Variants in SEMA6A observed in about 807,000 individuals in gnomAD.
SEMA6A encodes the protein semaphorin 6A, also known as semaphorin-6A.
In SEMA6A, 25 loss-of-function variants were observed where a neutral mutation model predicts 96.8. The ratio of observed to expected loss-of-function variants is 0.26; its 90% CI spans 0.19 to 0.36. The LOEUF is 0.36. Ranked by LOEUF, SEMA6A falls within the 10% of genes least tolerant of loss-of-function variation. The pLI is 1.00. For synonymous variants in SEMA6A, 612 were observed against 518.0 expected, an observed-to-expected ratio of 1.18 and a Z score of -2.46; for missense variants, 1,363 against 1,323.1, an observed-to-expected ratio of 1.03 and a Z score of -0.47.
chr5:116,510,588 C>T (rs1361669056), intron 1 of SEMA6A, among the ~76,000 whole-genome samples: 1 of 152,082 alleles, frequency 6.6e-6, no homozygotes, highest in Admixed American at 6.6e-5. Flanking sequence ...TCAGCTGAGA[C>T]ACTAAAAATT....
At chr5:116,536,087 A>G (rs1278473878) in intron 1 of SEMA6A, among the ~76,000 whole-genome samples, 1 of 152,190 alleles carries the variant, frequency 6.6e-6, no homozygotes, top group Non-Finnish European at 1.5e-5. Flanking sequence ...TGCATAGGAA[A>G]GTTCTTAGAA....
intron 1 of SEMA6A, among the ~76,000 whole-genome samples, chr5:116,571,372 A>C (rs906165990): frequency 6.6e-6 from 1 of 152,212 alleles, no homozygotes; most frequent in African/African-American, 2.4e-5. Context: ...CACATCTCTA[A>C]AAGGTGATAG....
intron 1 of SEMA6A, among the ~76,000 whole-genome samples, chr5:116,556,890 G>A (rs1304819999): frequency 6.6e-6 from 1 of 152,196 alleles, no homozygotes; most frequent in African/African-American, 2.4e-5. Context: ...ATAATCCACT[G>A]AGAATGCCAT....
intron 17 of SEMA6A, 128 bp from the exon 18 acceptor site, chr5:116,467,875 A>C: frequency 1.7e-5 from 13 of 750,786 alleles, no homozygotes; most frequent in Non-Finnish European, 2.7e-5. Flanking sequence ...TAGAAATGAC[A>C]CGGCTTAGTG....
At chr5:116,510,603 T>C in intron 1 of SEMA6A, among the ~76,000 whole-genome samples, 1 of 152,156 alleles carries the variant, frequency 6.6e-6, no homozygotes, top group East Asian at 1.9e-4. Flanking sequence ...AAAATTACTT[T>C]TTAATAGCTT....
intron 18 of SEMA6A, among the ~76,000 whole-genome samples, chr5:116,458,122 G>C (rs547165783): frequency 6.6e-6 from 1 of 152,192 alleles, no homozygotes; most frequent in Non-Finnish European, 1.5e-5. Context: ...GGTGAAACTA[G>C]GCTATCAGAA....
chr5:116,488,914 AC>A lies in SEMA6A; in HGVS notation c.628del (p.Val210SerfsTer8). 1 of 1,584,848 alleles carries A rather than the reference AC, an allele frequency of 6.3e-7. No homozygotes were observed. The highest frequency in any genetic ancestry group is 8.6e-7 in the Non-Finnish European group (1 of 1,164,296). ...SLGESPTLRT[V>X]KHDSKWLKEP... ...TTTCAACCATTTTGAATCGTGCTTG[AC>A]GGTCCGCAGGGTAGGGCTTTCTCCA... is the stretch of plus-strand genomic sequence containing the variant. On this transcript the variant is annotated frameshift_variant, in exon 8 of 19. Coordinates refer to ENST00000343348, the MANE Select transcript of SEMA6A (RefSeq NM_020796.5). LOFTEE classifies it high-confidence loss of function.
At chr5:116,542,515 T>C (rs1760014446) in intron 1 of SEMA6A, among the ~76,000 whole-genome samples, 1 of 152,200 alleles carries the variant, frequency 6.6e-6, no homozygotes. Context: ...TTCCCTGTCA[T>C]TTACTTTAGA....
intron 1 of SEMA6A, chr5:116,507,963 A>C (rs796881559): frequency 7.9e-5 from 12 of 152,316 alleles, no homozygotes; most frequent in African/African-American, 2.2e-4. Context: ...TGAATTTGTC[A>C]GGTCTATTTA....
intron 1 of SEMA6A, among the ~76,000 whole-genome samples, chr5:116,530,218 C>CA (rs1759404520): frequency 6.6e-6 from 1 of 152,050 alleles, no homozygotes; most frequent in Non-Finnish European, 1.5e-5. Context: ...GTTTACATTA[C>CA]TTTCATGCCA....
intron 1 of SEMA6A, among the ~76,000 whole-genome samples, chr5:116,559,316 C>A (rs775539762): frequency 1.3e-5 from 2 of 152,180 alleles, no homozygotes; most frequent in African/African-American, 4.8e-5. Context: ...AGGCCCAGTC[C>A]GCAAGGCCTG....
intron 18 of SEMA6A, among the ~76,000 whole-genome samples, chr5:116,459,382 C>T (rs1256491608): frequency 6.6e-6 from 1 of 152,006 alleles, no homozygotes; most frequent in Non-Finnish European, 1.5e-5. Context: ...TTGTCTTTCC[C>T]CACTTCTACC....
rs1279552392 is a variant in SEMA6A at position 116,446,665 on chromosome 5, G to A, written c.3041C>T (p.Pro1014Leu). Residue 1014 changes from proline to leucine, a missense_variant, in exon 19 of 19, where the codon CCA (proline) becomes CTA (leucine). Around this residue, in one of 2 missense-constraint regions of SEMA6A, gnomAD observed 883 missense variants for 763.6 expected, o/e 1.16. Coordinates refer to ENST00000343348, the MANE Select transcript of SEMA6A (RefSeq NM_020796.5). ...GGATGTGGAAAGGGGAGCAAAGGAT[G>A]GTTTGGGGGGTACGTCCGGCTTTAG... is the stretch of plus-strand genomic sequence containing the variant. Reference protein sequence around the residue: ...PSLKPDVPPKPSFAPLSTSMK... With the variant: ...PSLKPDVPPKLSFAPLSTSMK... 3.2e-6 allele frequency: 5 copies of A among 1,547,696 alleles called. No homozygotes were observed. The highest frequency in any genetic ancestry group is 4.4e-6 in the Non-Finnish European group (5 of 1,145,468).
At chr5:116,500,851 C>A (rs536413663) in intron 3 of SEMA6A, among the ~76,000 whole-genome samples, 2 of 152,108 alleles carry the variant, frequency 1.3e-5, no homozygotes, top group Admixed American at 1.3e-4. Flanking sequence ...ACTAAAAATA[C>A]AAAAATTAGC....
intron 1 of SEMA6A, among the ~76,000 whole-genome samples, chr5:116,552,364 A>G (rs1377613127): frequency 6.6e-6 from 1 of 152,016 alleles, no homozygotes; most frequent in Non-Finnish European, 1.5e-5. Context: ...TCAAGGGGAG[A>G]AGTTCTATTT....
chr5:116,541,374 A>G (rs533150106), intron 1 of SEMA6A, among the ~76,000 whole-genome samples: 40 of 152,328 alleles, frequency 2.6e-4, no homozygotes, highest in African/African-American at 2.6e-4. Context: ...CTAACATTCA[A>G]TAACACTTGA....
At chr5:116,519,672 C>CACAG (rs1430801652) in intron 1 of SEMA6A, among the ~76,000 whole-genome samples, 19 of 149,442 alleles carry the variant, frequency 1.3e-4, no homozygotes, top group Non-Finnish European at 4.4e-5. Context: ...TGTACACACA[C>CACAG]ACACACACAC....
At chr5:116,533,261 T>TA (rs1759566244) in intron 1 of SEMA6A, among the ~76,000 whole-genome samples, 1 of 151,660 alleles carries the variant, frequency 6.6e-6, no homozygotes, top group South Asian at 2.1e-4. Context: ...TTTTTCCTTT[T>TA]TTTTTTTTTT....
chr5:116,521,657 T>G (rs575645128), intron 1 of SEMA6A, among the ~76,000 whole-genome samples: 1 of 151,646 alleles, frequency 6.6e-6, no homozygotes, highest in Non-Finnish European at 1.5e-5. Flanking sequence ...CTTGAGCCAA[T>G]CCATCTGGGG....
Sources: allele counts gnomAD v4.1 joint callset (sites outside exome capture counted in the v4.1 genomes callset), GRCh38; gene constraint gnomAD v4.1.1; regional missense constraint gnomAD v4.1.1; transcripts MANE v1.5; gene names NCBI Gene and HGNC (gene_info 2026-07-23, HGNC 2026-07-21).